ASTN2: variants seen among roughly 807,000 people sequenced by gnomAD.
ASTN2 encodes astrotactin 2.
ASTN2 carries 54 observed loss-of-function variants against 139.8 expected under a neutral mutation model. The ratio of observed to expected loss-of-function variants is 0.39; its 90% CI spans 0.31 to 0.48. The LOEUF (loss-of-function observed/expected upper bound fraction) is 0.48. Among genes scored for constraint, ASTN2 ranks in the 20% least tolerant of loss-of-function variants. The pLI is 0.95. For synonymous variants in ASTN2, 756 were observed against 719.5 expected (o/e 1.05, Z -0.81); for missense variants, 1,565 against 1,725.1 (o/e 0.91, Z 1.64).
intron 3 of ASTN2, among the ~76,000 whole-genome samples, chr9:117,190,455 C>T (rs906652677): frequency 6.6e-6 from 1 of 152,174 alleles, no homozygotes; most frequent in African/African-American, 2.4e-5. Flanking sequence ...TTGGCCCTAA[C>T]TGTTTACCAC....
intron 3 of ASTN2, among the ~76,000 whole-genome samples, chr9:117,162,718 A>C (rs755837632): frequency 5.9e-5 from 9 of 152,084 alleles, no homozygotes; most frequent in Non-Finnish European, 1.3e-4. Flanking sequence ...TAAATGAGTA[A>C]ATATAGGTAA....
rs149503587 is a variant in ASTN2, at chr9:116,821,820, C to T, written c.2041-1037G>A. 3.4e-4 allele frequency among the ~76,000 whole-genome samples: 51 copies of T among 152,226 alleles called. No homozygotes were observed. In the East Asian group the frequency reaches 8.9e-3, roughly 27 times the overall value. ...CAGTGGGTCTGGCACCTGCTATGTG[C>T]TCCTTCAGTGGAAAATCATATACTG... On this transcript the variant is annotated intron_variant, in intron 11 of 22. Transcript: ENST00000313400.
chr9:117,310,156 A>G (rs145285574), intron 1 of ASTN2, among the ~76,000 whole-genome samples: 1 of 152,142 alleles, frequency 6.6e-6, no homozygotes, highest in Admixed American at 6.5e-5. Flanking sequence ...GCATCAATAT[A>G]TAACAGGTTT....
In ASTN2 at chr9:117,146,756, T is replaced by C. The variant is rs1588015228; in HGVS notation, c.1016-5278A>G. Among the ~76,000 whole-genome samples, 3 of 152,252 alleles carry C rather than the reference T, an allele frequency of 2.0e-5. No homozygotes were observed. In the South Asian group the frequency reaches 6.2e-4, roughly 32 times the overall value. ...TCCCACAGATTACCATTAAAGAATT[T>C]ACTCATGTAATGTAATACCACCTGT... On this transcript the variant is annotated intron_variant, in intron 3 of 22. Coordinates refer to ENST00000313400, the MANE Select transcript of ASTN2 (RefSeq NM_001365068.1).
intron 10 of ASTN2, among the ~76,000 whole-genome samples, chr9:116,928,736 G>GT (rs1415329615): frequency 6.6e-6 from 1 of 150,736 alleles, no homozygotes; most frequent in African/African-American, 2.4e-5. Context: ...CAGGTACAGG[G>GT]TAAAAAAAAA....
At chr9:116,506,410 C>T (rs746438849) in intron 19 of ASTN2, among the ~76,000 whole-genome samples, 4 of 152,174 alleles carry the variant, frequency 2.6e-5, no homozygotes, top group Non-Finnish European at 4.4e-5. Context: ...TATTGCTCCC[C>T]TTCACCTCCA....
chr9:117,212,280 A>T (rs1281663388), intron 3 of ASTN2, among the ~76,000 whole-genome samples: 4 of 152,168 alleles, frequency 2.6e-5, no homozygotes, highest in African/African-American at 9.7e-5. Flanking sequence ...CAAAGACCTA[A>T]ATGTAAGACC....
chr9:116,620,929 A>G lies in ASTN2; in HGVS notation c.3073-486T>C, dbSNP rs766578388. Among the ~76,000 whole-genome samples the G allele has an allele frequency of 2.8e-4, 43 of 152,172 alleles. 1 individual carries two copies. Among genetic ancestry groups the G allele is most frequent in the Non-Finnish European group, 4.4e-4 (30 of 68,036 alleles). On this transcript the variant is annotated intron_variant, in intron 17 of 22. Transcript: ENST00000313400. ...CACTGCCTTTTATAGAAGTCTGACCATCTCATTGCCCAGCTTAAAAACCTT... is the reference window on the plus strand; with the variant it reads ...CACTGCCTTTTATAGAAGTCTGACCGTCTCATTGCCCAGCTTAAAAACCTT...
chr9:116,914,189 G>A (rs1257353958), intron 10 of ASTN2, among the ~76,000 whole-genome samples: 1 of 151,928 alleles, frequency 6.6e-6, no homozygotes, highest in Non-Finnish European at 1.5e-5. Flanking sequence ...GAAAGAAGCT[G>A]AAGGAGAGTT....
At chr9:116,988,073 G>C (rs1836736115) in intron 7 of ASTN2, among the ~76,000 whole-genome samples, 1 of 152,200 alleles carries the variant, frequency 6.6e-6, no homozygotes, top group Admixed American at 6.5e-5. Flanking sequence ...GCAGTTGACT[G>C]TGGGTAACGG....
At chr9:116,737,818 G>A (rs907760054) in intron 13 of ASTN2, among the ~76,000 whole-genome samples, 3 of 152,158 alleles carry the variant, frequency 2.0e-5, no homozygotes, top group Non-Finnish European at 4.4e-5. Context: ...TGTGAACTAA[G>A]CTATAAGGAT....
At chr9:117,395,733 C>T (rs149946949) in intron 1 of ASTN2, among the ~76,000 whole-genome samples, 1 of 147,176 alleles carries the variant, frequency 6.8e-6, no homozygotes, top group South Asian at 2.2e-4. Flanking sequence ...AATTGGGGTG[C>T]AAATACGCAG....
chr9:116,711,867 A>G (rs777284339), intron 16 of ASTN2, among the ~76,000 whole-genome samples: 13 of 152,116 alleles, frequency 8.5e-5, no homozygotes, highest in Non-Finnish European at 1.8e-4. Flanking sequence ...AAACACTACT[A>G]CAACTCCCTA....
intron 16 of ASTN2, among the ~76,000 whole-genome samples, chr9:116,702,420 T>G (rs1827855532): frequency 6.6e-6 from 1 of 152,098 alleles, no homozygotes; most frequent in South Asian, 2.1e-4. Flanking sequence ...CCCTCACAAG[T>G]CTCCAAATAT....
intron 7 of ASTN2, among the ~76,000 whole-genome samples, chr9:116,979,273 T>C (rs375675279): frequency 6.6e-6 from 1 of 152,204 alleles, no homozygotes. Context: ...TGTTGAAAGA[T>C]ACAAGGAGAG....
intron 7 of ASTN2, among the ~76,000 whole-genome samples, chr9:116,999,548 C>CTTTTTTTTTTTTTTTT (rs71379248): frequency 5.3e-5 from 5 of 94,920 alleles, no homozygotes; most frequent in African/African-American, 9.8e-5. Flanking sequence ...TTCTCTCTTT[C>CTTTTTTTTTTTTTTTT]TTTTTTTTTT....
At chr9:116,831,623 T>C (rs1342660627) in intron 11 of ASTN2, among the ~76,000 whole-genome samples, 1 of 152,048 alleles carries the variant, frequency 6.6e-6, no homozygotes, top group Non-Finnish European at 1.5e-5. Context: ...TGAATAAAGA[T>C]AAAAGTATAA....
intron 13 of ASTN2, among the ~76,000 whole-genome samples, chr9:116,782,612 G>T (rs1830248046): frequency 6.6e-6 from 1 of 152,164 alleles, no homozygotes; most frequent in Non-Finnish European, 1.5e-5. Flanking sequence ...TGAAGGCTGG[G>T]AAAGAGATCT....
intron 3 of ASTN2, among the ~76,000 whole-genome samples, chr9:117,163,696 G>A (rs1830603979): frequency 6.6e-6 from 1 of 151,948 alleles, no homozygotes; most frequent in African/African-American, 2.4e-5. Context: ...TGAGACAATC[G>A]ATATATACAA....
Sources: gnomAD v4.1 joint callset for allele counts (sites outside exome capture counted in the v4.1 genomes callset) on GRCh38, gnomAD v4.1.1 for gene constraint, MANE v1.5 for transcripts, NCBI Gene and HGNC (gene_info 2026-07-23, HGNC 2026-07-21) for gene names.